CCDC13: variants seen among roughly 807,000 people sequenced by gnomAD.
CCDC13 encodes the protein coiled-coil domain containing 13.
Under a neutral mutation model 87.3 loss-of-function variants are expected in CCDC13, and 70 were observed. The ratio of observed to expected loss-of-function variants is 0.80; its 90% CI spans 0.66 to 0.98. CCDC13 has a LOEUF of 0.98. CCDC13 is among the 50% of genes least tolerant of loss of function. The pLI, the probability that CCDC13 is intolerant of heterozygous loss-of-function variation, is 0.00. For synonymous variants in CCDC13, 317 were observed against 360.3 expected (o/e 0.88, Z 1.36); for missense variants, 842 against 892.0 (o/e 0.94, Z 0.71).
At chr3:42,752,067 T>C in intron 4 of CCDC13, 42 bp from the exon 5 acceptor site, 2 of 1,561,564 alleles carry the variant, frequency 1.3e-6, no homozygotes, top group African/African-American at 1.3e-5. Flanking sequence ...GCTCAGCGAT[T>C]GTGCAGCCCA....
At chr3:42,756,923 A>C in intron 3 of CCDC13, 143 bp downstream of exon 3, 1 of 781,850 alleles carries the variant, frequency 1.3e-6, no homozygotes, top group Non-Finnish European at 2.0e-6. Context: ...CCTCTCCCTC[A>C]CTTCCAGGAC....
chr3:42,725,533 C>CAAAAAAAA (rs56224625), intron 13 of CCDC13, among the ~76,000 whole-genome samples: 7 of 91,482 alleles, frequency 7.7e-5, no homozygotes, highest in African/African-American at 1.3e-4. Context: ...GACCCTGTCT[C>CAAAAAAAA]AAAAAAAAAA....
intron 10 of CCDC13, 37 bp downstream of exon 10, chr3:42,735,670 T>C: frequency 6.2e-7 from 1 of 1,601,720 alleles, no homozygotes; most frequent in Non-Finnish European, 8.5e-7. Context: ...TTGCCCGGCT[T>C]GAAAATGGGT....
At chr3:42,714,043 T>C (rs943706299) in intron 13 of CCDC13, 6 of 152,430 alleles carry the variant, frequency 3.9e-5, no homozygotes, top group African/African-American at 1.2e-4. Context: ...TGCAGGCTGC[T>C]GGTCAATTTC....
intron 1 of CCDC13, 26 bp from the exon 2 acceptor site, chr3:42,758,377 C>G (rs199737033): frequency 6.2e-7 from 1 of 1,604,766 alleles, no homozygotes; most frequent in Admixed American, 1.7e-5. Context: ...GAAGCCTCAG[C>G]TGAAGCAAAC....
At chr3:42,766,397 G>A (rs1488456330) in intron 1 of CCDC13, among the ~76,000 whole-genome samples, 1 of 151,984 alleles carries the variant, frequency 6.6e-6, no homozygotes, top group Non-Finnish European at 1.5e-5. Flanking sequence ...AGAGACAGCT[G>A]GAAGCAAGTA....
chr3:42,725,899 C>G (rs908700266), intron 13 of CCDC13, among the ~76,000 whole-genome samples: 9 of 151,952 alleles, frequency 5.9e-5, no homozygotes, highest in Non-Finnish European at 8.8e-5. Context: ...AAGGGGAGAG[C>G]CGACAGACAT....
Position 42,708,963 on chromosome 3 carries a change from G to A in CCDC13, c.*17C>T, listed in dbSNP as rs766113750. 15 of 1,602,744 alleles carry A rather than the reference G, an allele frequency of 9.4e-6. No homozygotes were observed. The highest frequency in any genetic ancestry group is 2.2e-5 in the South Asian group (2 of 89,104). On this transcript the variant is annotated 3_prime_UTR_variant, in exon 16 of 16. Coordinates refer to ENST00000310232, the MANE Select transcript of CCDC13 (RefSeq NM_144719.4). ...CTGAGGCTGCCCACCCGGCCAGGCC[G>A]ACACTGGGCTGTCATCCTATTGCTT...
intron 1 of CCDC13, among the ~76,000 whole-genome samples, chr3:42,767,010 C>T (rs1699945330): frequency 1.3e-5 from 2 of 152,276 alleles, no homozygotes; most frequent in South Asian, 2.1e-4. Context: ...GACAAGATGT[C>T]CCTTCTCTCT....
At chr3:42,704,180 T>C (rs1443448405), downstream of CCDC13, 1 of 152,232 alleles carries the variant, frequency 6.6e-6, no homozygotes, top group Non-Finnish European at 1.5e-5. Context: ...CTGTACGCAG[T>C]TGGGAGAAGA....
intron 10 of CCDC13, among the ~76,000 whole-genome samples, chr3:42,735,022 T>C (rs560194183): frequency 1.3e-5 from 2 of 152,224 alleles, no homozygotes; most frequent in African/African-American, 4.8e-5. Context: ...GGAAAATGAC[T>C]ACACAGCGTG....
In CCDC13 at chr3:42,736,746, C is replaced by G. The variant is rs139060970; in HGVS notation, c.1165-833G>C. On this transcript the variant is annotated intron_variant, in intron 9 of 15. Coordinates refer to ENST00000310232, the MANE Select transcript of CCDC13 (RefSeq NM_144719.4). Reference sequence around the variant, plus strand: ...ACTAAGGTAGGTGCCTGAGCCAGCACCCCCCAAACACCCCAGCCAAGCCAG... The same window carrying G: ...ACTAAGGTAGGTGCCTGAGCCAGCAGCCCCCAAACACCCCAGCCAAGCCAG... 5.7e-3 allele frequency among the ~76,000 whole-genome samples: 866 copies of G among 152,120 alleles called. 4 individuals are homozygous for G. The highest frequency in any genetic ancestry group is 9.5e-3 in the Non-Finnish European group (645 of 67,988).
At chr3:42,720,537 T>C (rs1341485648) in intron 13 of CCDC13, among the ~76,000 whole-genome samples, 2 of 152,230 alleles carry the variant, frequency 1.3e-5, no homozygotes, top group African/African-American at 4.8e-5. Flanking sequence ...CACTGTAACA[T>C]GTAATTGAGA....
Position 42,738,921 on chromosome 3 carries a change from C to T in CCDC13, c.1164+713G>A, listed in dbSNP as rs568505323. 3.9e-5 allele frequency among the ~76,000 whole-genome samples: 6 copies of T among 152,314 alleles called. No individual in the cohort carries two copies. In the South Asian group the frequency reaches 6.2e-4, roughly 16 times the overall value. ...TTTATTTCTTTCTCTTGCCTGATCGCCCTGGCCAGAACTTCCAACACTATG... is the reference window on the plus strand; with the variant it reads ...TTTATTTCTTTCTCTTGCCTGATCGTCCTGGCCAGAACTTCCAACACTATG... On this transcript the variant is annotated intron_variant, in intron 9 of 15. Transcript: ENST00000310232.
At chr3:42,723,920 A>G (rs1250008895) in intron 13 of CCDC13, among the ~76,000 whole-genome samples, 1 of 152,220 alleles carries the variant, frequency 6.6e-6, no homozygotes, top group Non-Finnish European at 1.5e-5. Context: ...AAGTAGCAGA[A>G]GATTATGCAT....
chr3:42,749,218 G>A (rs922782930), intron 5 of CCDC13, among the ~76,000 whole-genome samples: 1 of 152,114 alleles, frequency 6.6e-6, no homozygotes, highest in African/African-American at 2.4e-5. Flanking sequence ...CCCCTGCCAC[G>A]CCCCGCCCTG....
intron 8 of CCDC13, among the ~76,000 whole-genome samples, chr3:42,741,285 G>A (rs1699207583): frequency 6.6e-6 from 1 of 152,066 alleles, no homozygotes; most frequent in Non-Finnish European, 1.5e-5. Flanking sequence ...CCAGGTGTCT[G>A]GCCCTTCCAT....
intron 1 of CCDC13, among the ~76,000 whole-genome samples, chr3:42,763,660 A>G (rs1038958918): frequency 2.0e-5 from 3 of 152,152 alleles, no homozygotes; most frequent in Admixed American, 2.0e-4. Context: ...ATGCACCACC[A>G]CACCCAGATA....
chr3:42,740,671 T>C (rs948932178), intron 8 of CCDC13, among the ~76,000 whole-genome samples: 12 of 151,928 alleles, frequency 7.9e-5, no homozygotes, highest in African/African-American at 2.9e-4. Flanking sequence ...CTGAAGGAGA[T>C]GAAGGGAAGA....
Sources: allele counts gnomAD v4.1 joint callset (sites outside exome capture counted in the v4.1 genomes callset), GRCh38; gene constraint gnomAD v4.1.1; transcripts MANE v1.5; gene names NCBI Gene and HGNC (gene_info 2026-07-23, HGNC 2026-07-21).